Variants in PHLDB2 observed in about 807,000 individuals in gnomAD.
The protein encoded by PHLDB2 is pleckstrin homology like domain family B member 2, also known as pleckstrin homology-like domain family B member 2.
PHLDB2 carries 71 observed loss-of-function variants against 123.6 expected under a neutral mutation model. The observed-to-expected ratio is 0.57, with a 90% CI of 0.47 to 0.70. The LOEUF is 0.70. PHLDB2 is among the 30% of genes least tolerant of loss of function. PHLDB2 has a pLI of 0.00. For synonymous variants in PHLDB2, 547 were observed against 541.6 expected (o/e 1.01, Z -0.14); for missense variants, 1,446 against 1,519.5 (o/e 0.95, Z 0.80).
chr3:111,814,104 G>A (rs771782515), intron 1 of PHLDB2, among the ~76,000 whole-genome samples: 1 of 152,132 alleles, frequency 6.6e-6, no homozygotes, highest in South Asian at 2.1e-4. Flanking sequence ...ATTCCAAAAC[G>A]TGGGATACAC....
At chr3:111,959,673 A>G (rs565493652) in intron 12 of PHLDB2, among the ~76,000 whole-genome samples, 7 of 152,332 alleles carry the variant, frequency 4.6e-5, no homozygotes, top group Middle Eastern at 6.8e-3. Context: ...TTAGTTTACT[A>G]TCTCCTTCAC....
chr3:111,959,619 A>C (rs2071270457), intron 12 of PHLDB2, among the ~76,000 whole-genome samples: 1 of 152,192 alleles, frequency 6.6e-6, no homozygotes, highest in African/African-American at 2.4e-5. Context: ...ACAAATTGTA[A>C]TGTAGCTGGC....
At position 111,827,578 on chromosome 3, in the gene PHLDB2, G is replaced by A. The variant is rs570830472; in HGVS notation, c.-48-18243G>A. Among the ~76,000 whole-genome samples, 4 of 151,994 alleles carry A rather than the reference G, an allele frequency of 2.6e-5. No individual in the cohort carries two copies. The East Asian group carries it at 7.8e-4, about 30-fold the overall frequency. On this transcript the variant is annotated intron_variant, in intron 1 of 17. Transcript: ENST00000393923. Reference sequence around the variant, plus strand: ...TAGTCCCAGCTACTCGGGAGGCTGAGGCGGAGAATGGCGTCAACCCGGGAG... The same window carrying A: ...TAGTCCCAGCTACTCGGGAGGCTGAAGCGGAGAATGGCGTCAACCCGGGAG...
chr3:111,860,563 A>G (rs961159570), intron 1 of PHLDB2, among the ~76,000 whole-genome samples: 17 of 152,224 alleles, frequency 1.1e-4, no homozygotes, highest in African/African-American at 3.6e-4. Context: ...CGCCACCACC[A>G]GGAAATTAAA....
At chr3:111,959,832 AT>A in intron 12 of PHLDB2, among the ~76,000 whole-genome samples, 1 of 152,312 alleles carries the variant, frequency 6.6e-6, no homozygotes, top group Admixed American at 6.5e-5. Context: ...CTTTTCCAAG[AT>A]GGTGGTAATT....
intron 9 of PHLDB2, among the ~76,000 whole-genome samples, chr3:111,947,949 T>G (rs1425717226): frequency 6.6e-6 from 1 of 152,192 alleles, no homozygotes; most frequent in Non-Finnish European, 1.5e-5. Flanking sequence ...AATTTCAGCT[T>G]TAAAAGAGAG....
chr3:111,972,888 G>A (rs1394355801), intron 16 of PHLDB2, among the ~76,000 whole-genome samples: 1 of 152,070 alleles, frequency 6.6e-6, no homozygotes, highest in Non-Finnish European at 1.5e-5. Flanking sequence ...TTAGTAAGAG[G>A]ATTTTTGTGT....
At chr3:111,814,448 G>A (rs188810786) in intron 1 of PHLDB2, among the ~76,000 whole-genome samples, 113 of 152,212 alleles carry the variant, frequency 7.4e-4, no homozygotes, top group Non-Finnish European at 5.9e-4. Flanking sequence ...AGCCTATTGT[G>A]AGACTTTGTG....
intron 5 of PHLDB2, among the ~76,000 whole-genome samples, chr3:111,921,888 C>T (rs528985817): frequency 5.3e-5 from 8 of 152,268 alleles, no homozygotes; most frequent in South Asian, 2.1e-4. Context: ...AGGCGTGAGC[C>T]GCCGCGCCCG....
intron 1 of PHLDB2, among the ~76,000 whole-genome samples, chr3:111,870,490 C>T (rs753372587): frequency 3.9e-5 from 6 of 152,066 alleles, no homozygotes; most frequent in Non-Finnish European, 8.8e-5. Context: ...GAGAATATTG[C>T]TAGGAAGTGG....
At chr3:111,827,856 C>T (rs2062743661) in intron 1 of PHLDB2, among the ~76,000 whole-genome samples, 1 of 152,084 alleles carries the variant, frequency 6.6e-6, no homozygotes, top group South Asian at 2.1e-4. Context: ...GTGCTTGGCA[C>T]AGTCTAAGGG....
intron 1 of PHLDB2, among the ~76,000 whole-genome samples, chr3:111,805,436 C>T (rs1180948104): frequency 1.3e-5 from 2 of 151,318 alleles, no homozygotes; most frequent in Admixed American, 6.6e-5. Flanking sequence ...TGGCGCATGC[C>T]TGTAGTCCCA....
At chr3:111,774,489 AGAAGCACTGGCT>A (rs2060232730) in intron 1 of PHLDB2, among the ~76,000 whole-genome samples, 1 of 152,082 alleles carries the variant, frequency 6.6e-6, no homozygotes, top group African/African-American at 2.4e-5. Context: ...ATCTGCATTT[AGAAGCACTGGCT>A]GAAGAAGCAT....
Position 111,757,624 on chromosome 3 carries a change from G to A in PHLDB2, c.-49+24921G>A, listed in dbSNP as rs564250322. Among the ~76,000 whole-genome samples, 20 of 152,306 alleles carry A rather than the reference G, an allele frequency of 1.3e-4. 1 individual carries two copies. The highest frequency in any genetic ancestry group is 5.9e-4 in the Admixed American group (9 of 15,296). ...TGTTCCGTTGCTGGTGAGGAGCTGC[G>A]TTCCTCTGGAGGAGGAGAGGCACTC... On this transcript the variant is annotated intron_variant, in intron 1 of 17. Coordinates refer to the PHLDB2 transcript ENST00000393923.
chr3:111,864,787 T>C (rs1303274473), intron 1 of PHLDB2, among the ~76,000 whole-genome samples: 1 of 152,228 alleles, frequency 6.6e-6, no homozygotes, highest in Non-Finnish European at 1.5e-5. Flanking sequence ...TTCCTTACTT[T>C]ACAAAGTAAA....
In PHLDB2 at chr3:111,904,608, G is replaced by A. The variant is rs1023126522; in HGVS notation, c.1336-8711G>A. ...GGGTGTGGTGGGTGTGAAAGGGGAAGTAGGGAAGTAGAAAAGTAGATCTAC... is the reference window on the plus strand; with the variant it reads ...GGGTGTGGTGGGTGTGAAAGGGGAAATAGGGAAGTAGAAAAGTAGATCTAC... On this transcript the variant is annotated intron_variant, in intron 2 of 17. Transcript: ENST00000431670. Among the ~76,000 whole-genome samples the A allele has an allele frequency of 2.6e-5, 4 of 152,166 alleles. No individual in the cohort carries two copies. In the South Asian group the frequency reaches 8.3e-4, roughly 32 times the overall value.
intron 5 of PHLDB2, among the ~76,000 whole-genome samples, chr3:111,924,060 G>A (rs74968159): frequency 0.055 from 8,333 of 152,024 alleles, 757 homozygotes; most frequent in African/African-American, 0.19. Context: ...CTATCTTTCT[G>A]TTTGTTAAAA....
intron 8 of PHLDB2, among the ~76,000 whole-genome samples, chr3:111,942,566 G>A (rs2069976304): frequency 6.6e-6 from 1 of 152,126 alleles, no homozygotes; most frequent in Admixed American, 6.5e-5. Flanking sequence ...GTAAATGAGT[G>A]TTATTTTTGT....
At chr3:111,801,376 G>T (rs1295117622) in intron 1 of PHLDB2, among the ~76,000 whole-genome samples, 1 of 152,036 alleles carries the variant, frequency 6.6e-6, no homozygotes, top group South Asian at 2.1e-4. Context: ...CAAGAACTCA[G>T]GTCTCCTTTG....
Sources: gnomAD v4.1 joint callset for allele counts (sites outside exome capture counted in the v4.1 genomes callset) on GRCh38, gnomAD v4.1.1 for gene constraint, MANE v1.5 for transcripts, NCBI Gene and HGNC (gene_info 2026-07-23, HGNC 2026-07-21) for gene names.